Variants in C2CD4D observed in about 807,000 individuals in gnomAD.
C2CD4D encodes C2 calcium-dependent domain-containing protein 4D.
Under a neutral mutation model 0.2 loss-of-function variants are expected in C2CD4D, and 1 was observed. The observed-to-expected ratio is 4.00, with a 90% CI of 1.42 to 18.99. The LOEUF is 18.99. C2CD4D is among the 30% of genes most tolerant of loss of function. C2CD4D has a pLI of 0.11. For synonymous variants in C2CD4D, 269 were observed against 279.8 expected (o/e 0.96, Z 0.39); for missense variants, 552 against 551.2 (o/e 1.00, Z -0.01).
chr1:151,838,178 C>A (rs2101687272), exon 2 of C2CD4D: 1 of 1,550,062 alleles, frequency 6.5e-7, no homozygotes, highest in Non-Finnish European at 8.7e-7. Flanking sequence ...CTGCTGCTCC[C>A]GCGGCCGGAC....
intron 1 of C2CD4D, among the ~76,000 whole-genome samples, chr1:151,839,744 G>C (rs753060964): frequency 1.7e-4 from 26 of 152,230 alleles, no homozygotes; most frequent in Non-Finnish European, 2.4e-4. Flanking sequence ...CGCACCTCCC[G>C]GGGACACAGA....
At chr1:151,838,275 C>A in exon 2 of C2CD4D, 1 of 1,319,154 alleles carries the variant, frequency 7.6e-7, no homozygotes, top group Non-Finnish European at 9.7e-7. Flanking sequence ...TCGGCGCTCA[C>A]TAGGCGCAGC....
Position 151,839,237 on chromosome 1 carries a change from G to A in C2CD4D, c.-231-17C>T. 1.9e-6 allele frequency: 1 copy of A among 529,792 alleles called. No individual in the cohort carries two copies. The allele number at this position is 529,792 out of a possible 1,614,324, so 32.8% of individuals were successfully genotyped here. A position where few individuals can be genotyped will look rare whatever the true frequency, so the allele number is the denominator to read the frequency against. ...TCTGGGGGGCTGGGGAGAAATGGAG[G>A]GAGCAAAGGGCCAGTCAGTCACATT... On this transcript the variant is annotated splice_polypyrimidine_tract_variant and intron_variant, in intron 1 of 1. Transcript: ENST00000454109.
chr1:151,837,853 T>C (rs540448700), exon 2 of C2CD4D: 745 of 1,436,200 alleles, frequency 5.2e-4, no homozygotes, highest in Non-Finnish European at 6.5e-4. Context: ...CAAAAATAAA[T>C]ACAAGCCGGG....
chr1:151,838,715 G>T, exon 2 of C2CD4D: 1 of 1,355,596 alleles, frequency 7.4e-7, no homozygotes, highest in African/African-American at 1.5e-5. Context: ...GGGCAGGAAG[G>T]CCCAGCCTTC....
exon 2 of C2CD4D, chr1:151,838,411 C>G: frequency 7.0e-7 from 1 of 1,434,214 alleles, no homozygotes; most frequent in Non-Finnish European, 9.1e-7. Context: ...GGTGGAAGAG[C>G]GGCGGCGTGG....
exon 2 of C2CD4D, chr1:151,838,698 G>A: frequency 7.3e-7 from 1 of 1,373,736 alleles, no homozygotes; most frequent in South Asian, 1.7e-5. Context: ...CGCGTGTGCG[G>A]GCTCTCGGGC....
chr1:151,838,550 T>G (rs1652657337), exon 2 of C2CD4D: 1 of 1,321,114 alleles, frequency 7.6e-7, no homozygotes, highest in Non-Finnish European at 9.6e-7. Flanking sequence ...GGGCGACGAG[T>G]CCGGCGACGA....
chr1:151,838,584 G>C, exon 2 of C2CD4D: 1 of 1,316,286 alleles, frequency 7.6e-7, no homozygotes, highest in Non-Finnish European at 9.6e-7. Flanking sequence ...TCGGGGGCCC[G>C]GCAGAGGCGC....
exon 2 of C2CD4D, chr1:151,838,862 A>G: frequency 6.5e-7 from 1 of 1,536,296 alleles, no homozygotes; most frequent in Admixed American, 2.0e-5. Context: ...ATCCGGGGTG[A>G]GGACGTTGGG....
chr1:151,838,327 C>A, exon 2 of C2CD4D: 1 of 1,412,610 alleles, frequency 7.1e-7, no homozygotes. Context: ...TGGAGAGCCG[C>A]AGCTGCCCGC....
Position 151,839,691 on chromosome 1 carries a change from C to T in C2CD4D, c.-231-471G>A, listed in dbSNP as rs892924457. On this transcript the variant is annotated intron_variant, in intron 1 of 1. It adds an upstream start codon to the 5' untranslated region. Coordinates refer to ENST00000454109, the Ensembl canonical transcript of C2CD4D. Reference sequence around the variant, plus strand: ...CTGCTCCTGGCAGCCAGGGGACACACCTGGCTGCTGACCTCAGGACACCCT... The same window carrying T: ...CTGCTCCTGGCAGCCAGGGGACACATCTGGCTGCTGACCTCAGGACACCCT... Among the ~76,000 whole-genome samples the T allele has an allele frequency of 6.6e-6, 1 of 152,134 alleles. No individual in the cohort carries two copies. The highest frequency in any genetic ancestry group is 1.5e-5 in the Non-Finnish European group (1 of 68,002).
rs1322632175 is a variant in C2CD4D, at chr1:151,838,257, G to A, written c.733C>T (p.Pro245Ser). ...CTCCCGGGGCGGGACCGCGGCCGGGGCAGGCCCTCGGCGCTCACTAGGCGC... is the reference window on the plus strand; with the variant it reads ...CTCCCGGGGCGGGACCGCGGCCGGGACAGGCCCTCGGCGCTCACTAGGCGC... Residue 245 changes from proline (P) to serine (S), a missense_variant, in exon 2 of 2, where the codon CCC becomes TCC. Pro to Ser is a moderately conservative substitution (Grantham distance 74). Transcript: ENST00000454109. The A allele has an allele frequency of 3.0e-6, 4 of 1,335,186 alleles. No homozygotes were observed. Among genetic ancestry groups the A allele is most frequent in the African/African-American group, 1.5e-5 (1 of 64,654 alleles). The allele number at this position is 1,335,186 out of a possible 1,614,324, so 82.7% of individuals were successfully genotyped here.
exon 2 of C2CD4D, chr1:151,838,215 A>T (rs1166903039): frequency 7.5e-6 from 11 of 1,465,254 alleles, no homozygotes. Context: ...AGCACCACAC[A>T]GCAGCCGCCG....
rs552765508 is a variant in C2CD4D at position 151,838,360 on chromosome 1, G to A, written c.630C>T (p.Ser210=). ...CGCCGCGGGGCCCCAGGCGCAGCAC[G>A]CTCTCGCGCGTGGGCCGCAGCTGGC... Residue 210 remains serine (S), a synonymous_variant, in exon 2 of 2, where the codon AGC becomes AGT. Transcript: ENST00000454109. 5.9e-4 allele frequency: 838 copies of A among 1,429,612 alleles called. 7 individuals are homozygous for A. In the African/African-American group the frequency reaches 0.011, roughly 18 times the overall value. 88.6% of individuals were successfully genotyped at this position (1,429,612 alleles called of 1,614,324 possible). A position where few individuals can be genotyped will look rare whatever the true frequency, so the allele number is the denominator to read the frequency against.
exon 2 of C2CD4D, chr1:151,837,849 T>G: frequency 7.0e-7 from 1 of 1,435,062 alleles, no homozygotes; most frequent in Non-Finnish European, 9.2e-7. Context: ...TTAGCAAAAA[T>G]AAATACAAGC....
At chr1:151,840,520 CAG>C (rs1299643525) in exon 1 of C2CD4D, 2 of 152,250 alleles carry the variant, frequency 1.3e-5, no homozygotes, top group Admixed American at 6.5e-5. Flanking sequence ...AGCTCCAAGG[CAG>C]AGTGACTTGC....
Position 151,839,205 on chromosome 1 carries a change from G to A in C2CD4D, c.-216C>T, listed in dbSNP as rs143070887. ...CTATTTGAGCAGAAAAAGAAAGGGC[G>A]GCGCAGTCTGGGGGGCTGGGGAGAA... On this transcript the variant is annotated 5_prime_UTR_variant, in exon 2 of 2. Coordinates refer to ENST00000454109, the Ensembl canonical transcript of C2CD4D. The A allele has an allele frequency of 4.3e-4, 237 of 553,766 alleles. 1 individual carries two copies. The highest frequency in any genetic ancestry group is 4.3e-3 in the African/African-American group (214 of 50,100). The allele number at this position is 553,766 out of a possible 1,614,324, so 34.3% of individuals were successfully genotyped here.
Position 151,838,672 on chromosome 1 carries a change from C to T in C2CD4D, c.318G>A (p.Leu106=), listed in dbSNP as rs777798208. Reference sequence around the variant, plus strand: ...CCGGGGCAGGTGGCGGCCCGTGGAACAGGGATTCCCGCCGGCGCGTGTGCG... The same window carrying T: ...CCGGGGCAGGTGGCGGCCCGTGGAATAGGGATTCCCGCCGGCGCGTGTGCG... Residue 106 remains leucine, a synonymous_variant, in exon 2 of 2, where the codon CTG becomes CTA. Transcript: ENST00000454109. The T allele has an allele frequency of 1.5e-4, 209 of 1,372,032 alleles. 3 individuals are homozygous for T. In the East Asian group the frequency reaches 5.5e-3, roughly 36 times the overall value. 85.0% of individuals were successfully genotyped at this position (1,372,032 alleles called of 1,614,324 possible).
Sources: allele counts gnomAD v4.1 joint callset (sites outside exome capture counted in the v4.1 genomes callset), GRCh38; gene constraint gnomAD v4.1.1; transcripts MANE v1.5; gene names NCBI Gene and HGNC (gene_info 2026-07-23, HGNC 2026-07-21).